Variants in SRCIN1 observed in about 807,000 individuals in gnomAD.
SRCIN1 encodes the protein SRC kinase signaling inhibitor 1, also known as P130Cas-associated protein.
SRCIN1 carries 50 observed loss-of-function variants against 116.2 expected under a neutral mutation model. The ratio of observed to expected loss-of-function variants is 0.43; its 90% CI spans 0.34 to 0.54. The LOEUF (loss-of-function observed/expected upper bound fraction) is 0.54, where lower values mean the gene tolerates loss of function less well. Among genes scored for constraint, SRCIN1 ranks in the 20% least tolerant of loss-of-function variants. SRCIN1 has a pLI of 0.02. For missense variants in SRCIN1, 1,446 were observed against 1,672.0 expected (o/e 0.86, Z 2.36); for synonymous variants, 736 against 750.0 (o/e 0.98, Z 0.30).
intron 11 of SRCIN1, among the ~76,000 whole-genome samples, chr17:38,553,969 T>A (rs1905616000): frequency 1.3e-5 from 2 of 152,130 alleles, no homozygotes. Context: ...CTCAGCACTT[T>A]GGGAGGCCGA....
chr17:38,538,372 G>A (rs1904519718), intron 18 of SRCIN1, among the ~76,000 whole-genome samples: 1 of 145,942 alleles, frequency 6.9e-6, no homozygotes, highest in Non-Finnish European at 1.5e-5. Context: ...AGCCAAAGTT[G>A]CGCCACTGCA....
At chr17:38,549,889 C>A (rs1401900390) in intron 15 of SRCIN1, among the ~76,000 whole-genome samples, 1 of 152,320 alleles carries the variant, frequency 6.6e-6, no homozygotes, top group Non-Finnish European at 1.5e-5. Context: ...ACACACACAC[C>A]TTCAGGCGTT....
At chr17:38,584,082 C>A (rs1907976427) in intron 1 of SRCIN1, among the ~76,000 whole-genome samples, 1 of 152,172 alleles carries the variant, frequency 6.6e-6, no homozygotes, top group African/African-American at 2.4e-5. Flanking sequence ...CTGTTCCAGG[C>A]AGGGAGGGCA....
At chr17:38,584,213 C>A (rs1907983865) in intron 1 of SRCIN1, among the ~76,000 whole-genome samples, 1 of 152,284 alleles carries the variant, frequency 6.6e-6, no homozygotes, top group African/African-American at 2.4e-5. Context: ...AGCTAGGATA[C>A]CCTGGTGGAG....
chr17:38,550,836 G>A (rs373799501), intron 15 of SRCIN1, among the ~76,000 whole-genome samples: 57 of 152,284 alleles, frequency 3.7e-4, no homozygotes, highest in African/African-American at 1.1e-3. Context: ...CGCTCAACCC[G>A]CCCTCAACAC....
At chr17:38,539,389 C>G (rs1904589410) in intron 18 of SRCIN1, among the ~76,000 whole-genome samples, 1 of 152,160 alleles carries the variant, frequency 6.6e-6, no homozygotes, top group Non-Finnish European at 1.5e-5. Context: ...CCCCTGGCCT[C>G]CCAGAACTAA....
chr17:38,531,230 AG>A lies in SRCIN1; in HGVS notation c.*2066del, dbSNP rs1330260046. ...CAGAGAGTAATGGAGTGGAGGGAGG[AG>A]GGGGCACCACTCCCCCCTCCCCTCC... On this transcript the variant is annotated 3_prime_UTR_variant, in exon 19 of 19. Coordinates refer to ENST00000617146, the MANE Select transcript of SRCIN1 (RefSeq NM_025248.3). The A allele has an allele frequency of 6.6e-6, 1 of 151,200 alleles. No homozygotes were observed. Among genetic ancestry groups the A allele is most frequent in the Admixed American group, 6.6e-5 (1 of 15,164 alleles). 9.4% of individuals were successfully genotyped at this position (151,200 alleles called of 1,614,324 possible). A position where few individuals can be genotyped will look rare whatever the true frequency, so the allele number is the denominator to read the frequency against.
At position 38,600,260 on chromosome 17, in the gene SRCIN1, C is replaced by A. The variant is rs138407431; in HGVS notation, c.22+5424G>T. Among the ~76,000 whole-genome samples, 11 of 152,320 alleles carry A rather than the reference C, an allele frequency of 7.2e-5. No homozygotes were observed. The East Asian group carries it at 1.7e-3, about 24-fold the overall frequency. ...TCCAGGCTATCAACCTTTACCCAGC[C>A]CTGCCCCAGGACGGGGTAGATATGT... On this transcript the variant is annotated intron_variant, in intron 1 of 18. Transcript: ENST00000617146.
chr17:38,547,763 C>T (rs1296316345), intron 17 of SRCIN1: 10 of 306,084 alleles, frequency 3.3e-5, no homozygotes, highest in South Asian at 9.6e-5. Flanking sequence ...CGTTACCTTC[C>T]GTGTAGGGCC....
chr17:38,542,620 G>C (rs1026629818), intron 18 of SRCIN1: 1 of 158,780 alleles, frequency 6.3e-6, no homozygotes, highest in Non-Finnish European at 1.4e-5. Flanking sequence ...GAGAGGCTGC[G>C]GGGGGCTGGA....
chr17:38,593,968 C>T (rs1908578645), intron 1 of SRCIN1, among the ~76,000 whole-genome samples: 1 of 152,242 alleles, frequency 6.6e-6, no homozygotes, highest in South Asian at 2.1e-4. Flanking sequence ...GGGGCTGCTT[C>T]ACCTTTTTAC....
Position 38,561,698 on chromosome 17 carries a change from G to A in SRCIN1, c.1465C>T (p.Pro489Ser). 1 of 1,540,202 alleles carries A rather than the reference G, an allele frequency of 6.5e-7. No homozygotes were observed. The change falls in exon 7 of 19, where the codon CCG becomes TCG. Residue 489 changes from proline (P) to serine (S), a missense_variant. Pro to Ser is a moderately conservative substitution (Grantham distance 74). Coordinates refer to ENST00000617146, the MANE Select transcript of SRCIN1 (RefSeq NM_025248.3). ...ADVAAPPGGP[P>S]PPHSPYSGPP... ...CCCGAGTAGGGGCTGTGCGGTGGCG[G>A]GGGACCTCCGGGGGGTGCTGCCACG... is the stretch of plus-strand genomic sequence containing the variant.
At chr17:38,550,095 C>T (rs1034656127) in intron 15 of SRCIN1, among the ~76,000 whole-genome samples, 1 of 152,254 alleles carries the variant, frequency 6.6e-6, no homozygotes, top group African/African-American at 2.4e-5. Context: ...TTCTGGTTTA[C>T]ATACTAGGCA....
chr17:38,572,347 AGAGT>A lies in SRCIN1; in HGVS notation c.325-4120_325-4117del, dbSNP rs1279384662. Among the ~76,000 whole-genome samples the A allele has an allele frequency of 2.4e-5, 1 of 42,246 alleles. No individual in the cohort carries two copies. Among genetic ancestry groups the A allele is most frequent in the Non-Finnish European group, 4.4e-5 (1 of 22,548 alleles). The allele number at this position is 42,246 out of a possible 152,430, so 27.7% of individuals were successfully genotyped here. A position where few individuals can be genotyped will look rare whatever the true frequency, so the allele number is the denominator to read the frequency against. Reference sequence around the variant, plus strand: ...GACACCCTCATCTCCTTCCCAATGCAGAGTGTGTGTGTGGGTGGGTGGGTGGGGG... The same window carrying A: ...GACACCCTCATCTCCTTCCCAATGCAGTGTGTGTGGGTGGGTGGGTGGGGG... On this transcript the variant is annotated intron_variant, in intron 2 of 18. Coordinates refer to ENST00000617146, the MANE Select transcript of SRCIN1 (RefSeq NM_025248.3). The surrounding 1 kb of genome is among the most constrained non-coding windows in gnomAD (Gnocchi z 4.3).
Position 38,552,099 on chromosome 17 carries a change from G to A in SRCIN1, c.2514C>T (p.Asn838=), listed in dbSNP as rs755088441. ...QVDEGVWPPP[N]NLLSQSPKKV... ...TCTTGGGGGACTGACTCAGGAGATT[G>A]TTGGGGGGTGGCCACACACCCTCAT... Residue 838 remains asparagine, a synonymous_variant, in exon 14 of 19, where the codon AAC becomes AAT. Coordinates refer to ENST00000617146, the MANE Select transcript of SRCIN1 (RefSeq NM_025248.3). This position sits in a 1 kb window ranked among gnomAD's most constrained non-coding sequence, Gnocchi z 5.3. The A allele has an allele frequency of 6.2e-7, 1 of 1,613,106 alleles. No individual in the cohort carries two copies. Among genetic ancestry groups the A allele is most frequent in the Admixed American group, 1.7e-5 (1 of 60,014 alleles).
At chr17:38,539,521 T>C (rs1419659254) in intron 18 of SRCIN1, among the ~76,000 whole-genome samples, 1 of 152,010 alleles carries the variant, frequency 6.6e-6, no homozygotes, top group African/African-American at 2.4e-5. Context: ...GGGGTGAAGT[T>C]CCTTCCCTGC....
chr17:38,542,857 A>C, intron 18 of SRCIN1: 1 of 319,092 alleles, frequency 3.1e-6, no homozygotes, highest in Non-Finnish European at 6.3e-6. Flanking sequence ...CTTGCCTCTG[A>C]GTCTAGAACC....
chr17:38,600,828 C>T (rs1183221040), intron 1 of SRCIN1, among the ~76,000 whole-genome samples: 1 of 152,228 alleles, frequency 6.6e-6, no homozygotes, highest in East Asian at 1.9e-4. Flanking sequence ...GCAGGGGTCC[C>T]CTCGACTACA....
At chr17:38,566,900 T>TCCTTCCTTC (rs1374928425) in intron 3 of SRCIN1, among the ~76,000 whole-genome samples, 2 of 131,048 alleles carry the variant, frequency 1.5e-5, no homozygotes, top group South Asian at 2.4e-4. Context: ...CTTCCTTCCT[T>TCCTTCCTTC]CTTTCCTTCC....
Sources: allele counts gnomAD v4.1 joint callset (sites outside exome capture counted in the v4.1 genomes callset), GRCh38; gene constraint gnomAD v4.1.1; non-coding constraint Gnocchi (gnomAD v3.1); transcripts MANE v1.5; gene names NCBI Gene and HGNC (gene_info 2026-07-23, HGNC 2026-07-21).